SEZ6L2: variants seen among roughly 807,000 people sequenced by gnomAD.
The protein encoded by SEZ6L2 is seizure related 6 homolog like 2, also known as seizure 6-like protein 2.
Under a neutral mutation model 97.0 loss-of-function variants are expected in SEZ6L2, and 44 were observed. The ratio of observed to expected loss-of-function variants is 0.45; its 90% CI spans 0.36 to 0.58. The LOEUF is 0.58. SEZ6L2 is among the 20% of genes least tolerant of loss of function. The pLI is 0.00. For synonymous variants in SEZ6L2, 543 were observed against 546.1 expected (o/e 0.99, Z 0.08); for missense variants, 1,086 against 1,233.3 (o/e 0.88, Z 1.79).
chr16:29,884,239 T>C (rs752966564), intron 8 of SEZ6L2, among the ~76,000 whole-genome samples: 2 of 152,152 alleles, frequency 1.3e-5, no homozygotes, highest in East Asian at 1.9e-4. Context: ...ACGCCTCTCC[T>C]GGCATTTTTG....
rs199737373 is a variant in SEZ6L2 at position 29,873,310 on chromosome 16, G to A, written c.2418C>T (p.Ile806=). 4.1e-5 allele frequency: 66 copies of A among 1,614,090 alleles called. No individual in the cohort carries two copies. The highest frequency in any genetic ancestry group is 5.0e-5 in the Non-Finnish European group (59 of 1,180,040). The stretch of plus-strand genomic sequence containing the variant: ...GCACACAGGTGATGGTGACCTCGCC[G>A]ATAAGCTCAAAGCCCTCATAGCAGA... ...RFFCYEGFEL[I]GEVTITCVPG... Residue 806 remains isoleucine (I), a synonymous_variant, in exon 14 of 18, where the codon ATC becomes ATT. Coordinates refer to ENST00000617533, the MANE Select transcript of SEZ6L2 (RefSeq NM_001243332.2). The surrounding 1 kb of genome is among the most constrained non-coding windows in gnomAD (Gnocchi z 4.3).
At chr16:29,883,706 A>C (rs2068073823) in intron 8 of SEZ6L2, among the ~76,000 whole-genome samples, 1 of 152,018 alleles carries the variant, frequency 6.6e-6, no homozygotes, top group Admixed American at 6.6e-5. Context: ...CCGAGGTGGG[A>C]GGATCACTTC....
chr16:29,879,236 CTT>C (rs113698899), intron 9 of SEZ6L2, among the ~76,000 whole-genome samples: 13,983 of 148,986 alleles, frequency 0.094, 1,834 homozygotes, highest in East Asian at 0.28. Context: ...TTCTTTCTTT[CTT>C]TTTTGAGACG....
intron 8 of SEZ6L2, among the ~76,000 whole-genome samples, chr16:29,880,993 C>T (rs1230347534): frequency 6.7e-6 from 1 of 150,066 alleles, no homozygotes; most frequent in East Asian, 2.0e-4. Context: ...AGGCTGGTCT[C>T]GAACTCCTGA....
chr16:29,895,630 G>A (rs930408538), intron 4 of SEZ6L2, 91 bp downstream of exon 4: 2 of 1,487,570 alleles, frequency 1.3e-6, no homozygotes, highest in African/African-American at 1.4e-5. Context: ...CATCAGACAG[G>A]TTCTTTGGCT....
At position 29,877,486 on chromosome 16, in the gene SEZ6L2, G is replaced by C. The variant is rs757230312; in HGVS notation, c.1713-19C>G. 2.6e-6 allele frequency: 4 copies of C among 1,561,078 alleles called. No homozygotes were observed. The African/African-American group carries it at 5.4e-5, about 21-fold the overall frequency. ...ATTCAATCTGCAGGGGGTGAGACCA[G>C]GCAATGGGGCGGGGCTGCGACTGGC... On this transcript the variant is annotated intron_variant, in intron 10 of 17. Coordinates refer to ENST00000617533, the MANE Select transcript of SEZ6L2 (RefSeq NM_001243332.2).
Position 29,877,316 on chromosome 16 carries a change from G to A in SEZ6L2, c.1864C>T (p.Pro622Ser). The A allele has an allele frequency of 1.2e-6, 2 of 1,611,126 alleles. No individual in the cohort carries two copies. The highest frequency in any genetic ancestry group is 1.7e-6 in the Non-Finnish European group (2 of 1,178,696). Residue 622 changes from proline to serine, a missense_variant, in exon 11 of 18, where the codon CCC becomes TCC. Transcript: ENST00000617533. The part of the protein sequence containing the change: ...LTLQFQAPPG[P>S]PNPGLGQGFV... ...CCCTGGCCCAGGCCTGGATTTGGGG[G>A]CCCGGGCGGTGCCTGAAACTGCAGT...
At chr16:29,890,517 C>T (rs923585703) in intron 5 of SEZ6L2, among the ~76,000 whole-genome samples, 3 of 152,042 alleles carry the variant, frequency 2.0e-5, no homozygotes, top group Non-Finnish European at 2.9e-5. Flanking sequence ...CTCCCAAGAC[C>T]GATATAGCCT....
At position 29,873,065 on chromosome 16, in the gene SEZ6L2, C is replaced by T; in HGVS notation, c.2488+175G>A. 6.6e-6 allele frequency among the ~76,000 whole-genome samples: 1 copy of T among 152,220 alleles called. No individual in the cohort carries two copies. Among genetic ancestry groups the T allele is most frequent in the East Asian group, 1.9e-4 (1 of 5,200 alleles). On this transcript the variant is annotated intron_variant, in intron 14 of 17. Transcript: ENST00000617533. The surrounding 1 kb of genome is among the most constrained non-coding windows in gnomAD (Gnocchi z 4.3). ...CTCTACTACACCCCTGAGCCAATCCCATGACCTCACACGACCCAGGGCTTC... is the reference window on the plus strand; with the variant it reads ...CTCTACTACACCCCTGAGCCAATCCTATGACCTCACACGACCCAGGGCTTC...
rs1488133349 is a variant in SEZ6L2, at chr16:29,876,335, G to GA, written c.2104+420dup. ...GGCTCCCTACAATTTCAACTGATAG[G>GA]ACTGCGGGATTGGGGCGGGGCGTAG... On this transcript the variant is annotated intron_variant, in intron 12 of 17. Transcript: ENST00000617533. This position sits in a 1 kb window ranked among gnomAD's most constrained non-coding sequence, Gnocchi z 6.5. 6.6e-6 allele frequency among the ~76,000 whole-genome samples: 1 copy of GA among 152,180 alleles called. No individual in the cohort carries two copies. Among genetic ancestry groups the GA allele is most frequent in the Non-Finnish European group, 1.5e-5 (1 of 68,026 alleles).
chr16:29,878,025 C>G (rs577363866), intron 10 of SEZ6L2, among the ~76,000 whole-genome samples: 23 of 152,358 alleles, frequency 1.5e-4, no homozygotes, highest in Non-Finnish European at 2.8e-4. Context: ...GAGTGAGAGG[C>G]ACCAGGCCAG....
At chr16:29,898,423 TTCTC>T (rs112555002) in intron 1 of SEZ6L2, among the ~76,000 whole-genome samples, 20 of 146,758 alleles carry the variant, frequency 1.4e-4, no homozygotes, top group African/African-American at 3.0e-4. Flanking sequence ...TGGCTGTCTT[TTCTC>T]TCTCTCTCTC....
Position 29,876,978 on chromosome 16 carries a change from G to A in SEZ6L2, c.1910-28C>T, listed in dbSNP as rs1397720399. The A allele has an allele frequency of 1.9e-6, 3 of 1,577,624 alleles. No homozygotes were observed. The highest frequency in any genetic ancestry group is 2.6e-6 in the Non-Finnish European group (3 of 1,157,242). The stretch of plus-strand genomic sequence containing the variant: ...GCAGGGGAGGGAAGGCGAGTTTGGA[G>A]GCTGCGTTTTAACTGCGGGCTCCCT... On this transcript the variant is annotated intron_variant, in intron 11 of 17. Transcript: ENST00000617533. This position sits in a 1 kb window ranked among gnomAD's most constrained non-coding sequence, Gnocchi z 6.5.
Position 29,871,672 on chromosome 16 carries a change from T to C in SEZ6L2, c.*27A>G, listed in dbSNP as rs1184390919. ...CCGAATGAGGAGGGGAGGGGCGTCC[T>C]GGGTCCTGCAGCTGTAGTCTTGGGG... On this transcript the variant is annotated 3_prime_UTR_variant, in exon 18 of 18. Transcript: ENST00000617533. 2 of 1,604,454 alleles carry C rather than the reference T, an allele frequency of 1.2e-6. No individual in the cohort carries two copies. Among genetic ancestry groups the C allele is most frequent in the Non-Finnish European group, 1.7e-6 (2 of 1,175,382 alleles).
At chr16:29,892,189 A>G (rs747018748) in intron 5 of SEZ6L2, among the ~76,000 whole-genome samples, 3 of 152,232 alleles carry the variant, frequency 2.0e-5, no homozygotes, top group African/African-American at 7.2e-5. Flanking sequence ...AGAGAAACTA[A>G]TGAGGCCACT....
intron 16 of SEZ6L2, 35 bp from the exon 17 acceptor site, chr16:29,872,318 A>G (rs1191903861): frequency 6.3e-7 from 1 of 1,595,492 alleles, no homozygotes; most frequent in African/African-American, 1.3e-5. Flanking sequence ...GCTTATCAAC[A>G]GGTAAGCCCC....
intron 5 of SEZ6L2, among the ~76,000 whole-genome samples, chr16:29,892,152 G>A (rs1177601810): frequency 1.3e-5 from 2 of 152,250 alleles, no homozygotes; most frequent in Non-Finnish European, 2.9e-5. Context: ...AACTTGGGGT[G>A]AGGGGTGAAG....
At chr16:29,883,911 G>A (rs928241054) in intron 8 of SEZ6L2, among the ~76,000 whole-genome samples, 1 of 151,776 alleles carries the variant, frequency 6.6e-6, no homozygotes, top group African/African-American at 2.4e-5. Flanking sequence ...CGGCCTGGGC[G>A]ACAAAGCAAG....
intron 5 of SEZ6L2, among the ~76,000 whole-genome samples, chr16:29,891,476 A>G (rs2068271018): frequency 6.6e-6 from 1 of 152,032 alleles, no homozygotes; most frequent in Non-Finnish European, 1.5e-5. Context: ...CCTGTCTCTA[A>G]TAAAAATACA....
Sources: allele counts gnomAD v4.1 joint callset (sites outside exome capture counted in the v4.1 genomes callset), GRCh38; gene constraint gnomAD v4.1.1; non-coding constraint Gnocchi (gnomAD v3.1); transcripts MANE v1.5; gene names NCBI Gene and HGNC (gene_info 2026-07-23, HGNC 2026-07-21).